The following NXPH1 variants were observed in gnomAD, a reference collection of about 807,000 sequenced individuals.
NXPH1 encodes neurexophilin-1.
Under a neutral mutation model 23.7 loss-of-function variants are expected in NXPH1, and 5 were observed. The observed-to-expected ratio is 0.21, with a 90% CI of 0.11 to 0.44. The LOEUF (loss-of-function observed/expected upper bound fraction) is 0.44, where lower values mean the gene tolerates loss of function less well. Ranked by LOEUF, NXPH1 falls within the 20% of genes least tolerant of loss-of-function variation. NXPH1 has a pLI of 0.99. For synonymous variants in NXPH1, 144 were observed against 122.2 expected (o/e 1.18, Z -1.18); for missense variants, 324 against 321.6 (o/e 1.01, Z -0.06).
At chr7:8,598,371 T>C (rs1488200188) in intron 2 of NXPH1, among the ~76,000 whole-genome samples, 3 of 152,092 alleles carry the variant, frequency 2.0e-5, no homozygotes, top group Non-Finnish European at 4.4e-5. Flanking sequence ...AATGAATAGC[T>C]TAGTATCCAA....
chr7:8,662,189 T>TACACACAC lies in NXPH1; in HGVS notation c.55-88812_55-88811insCACACACA, dbSNP rs60107144. 4.4e-3 allele frequency among the ~76,000 whole-genome samples: 662 copies of TACACACAC among 150,720 alleles called. 8 individuals are homozygous for TACACACAC. Among genetic ancestry groups the TACACACAC allele is most frequent in the African/African-American group, 0.015 (626 of 40,818 alleles). On this transcript the variant is annotated intron_variant, in intron 2 of 2. Coordinates refer to ENST00000405863, the MANE Select transcript of NXPH1 (RefSeq NM_152745.3). ...ATGATTTTATATATATATATATATA[T>TACACACAC]ACACACATATATATATACACACACA...
At chr7:8,476,150 T>C (rs1020159985) in intron 2 of NXPH1, among the ~76,000 whole-genome samples, 4 of 152,182 alleles carry the variant, frequency 2.6e-5, no homozygotes, top group African/African-American at 9.6e-5. Flanking sequence ...AAAATATTTA[T>C]GGATCTTCCA....
intron 2 of NXPH1, among the ~76,000 whole-genome samples, chr7:8,639,000 G>A (rs931334871): frequency 3.3e-5 from 5 of 150,786 alleles, no homozygotes; most frequent in African/African-American, 1.2e-4. Context: ...AACATTTAAT[G>A]AAACATATAT....
chr7:8,704,938 C>A (rs922483573), intron 2 of NXPH1, among the ~76,000 whole-genome samples: 23 of 152,056 alleles, frequency 1.5e-4, no homozygotes, highest in African/African-American at 5.3e-4. Flanking sequence ...TCAAGTTCTG[C>A]CCAAAAGGAC....
intron 2 of NXPH1, among the ~76,000 whole-genome samples, chr7:8,700,292 C>T (rs944867721): frequency 7.2e-5 from 11 of 152,130 alleles, no homozygotes; most frequent in African/African-American, 2.7e-4. Flanking sequence ...TCTTTTGCAT[C>T]AGTGTTTGAC....
chr7:8,545,058 A>G (rs1818178928), intron 2 of NXPH1, among the ~76,000 whole-genome samples: 2 of 151,566 alleles, frequency 1.3e-5, no homozygotes, highest in Non-Finnish European at 3.0e-5. Flanking sequence ...GAGGATATAA[A>G]CTGAGGTTTA....
At chr7:8,648,385 A>G (rs918785387) in intron 2 of NXPH1, among the ~76,000 whole-genome samples, 2 of 152,184 alleles carry the variant, frequency 1.3e-5, no homozygotes, top group Non-Finnish European at 2.9e-5. Flanking sequence ...TTTGATTTTT[A>G]GATCCCACAG....
At chr7:8,716,275 C>T (rs995173313) in intron 2 of NXPH1, among the ~76,000 whole-genome samples, 6 of 152,230 alleles carry the variant, frequency 3.9e-5, no homozygotes, top group Middle Eastern at 3.4e-3. Context: ...TATCATCTCC[C>T]CTTTAAGGTG....
chr7:8,523,735 A>G (rs560554215), intron 2 of NXPH1, among the ~76,000 whole-genome samples: 5 of 152,212 alleles, frequency 3.3e-5, no homozygotes, highest in Admixed American at 6.5e-5. Flanking sequence ...GTAAATGAAC[A>G]GCTGAGTTAA....
rs981652699 is a variant in NXPH1, at chr7:8,539,582, C to T, written c.54+103815C>T. On this transcript the variant is annotated intron_variant, in intron 2 of 2. Coordinates refer to ENST00000405863, the MANE Select transcript of NXPH1 (RefSeq NM_152745.3). Reference sequence around the variant, plus strand: ...AGTGGTTGCAGAACTACAACCCTCACATATTATGTATAAGGATGTTTATAA... The same window carrying T: ...AGTGGTTGCAGAACTACAACCCTCATATATTATGTATAAGGATGTTTATAA... Among the ~76,000 whole-genome samples, 3 of 151,882 alleles carry T rather than the reference C, an allele frequency of 2.0e-5. No individual in the cohort carries two copies. In the East Asian group the frequency reaches 5.9e-4, roughly 30 times the overall value.
At chr7:8,722,607 A>G (rs779134615) in intron 2 of NXPH1, among the ~76,000 whole-genome samples, 32 of 152,170 alleles carry the variant, frequency 2.1e-4, no homozygotes, top group Non-Finnish European at 3.2e-4. Context: ...TCCTTTCACA[A>G]AATTAAAACT....
chr7:8,732,482 A>G (rs1780174957), intron 2 of NXPH1, among the ~76,000 whole-genome samples: 1 of 152,224 alleles, frequency 6.6e-6, no homozygotes, highest in South Asian at 2.1e-4. Context: ...ATTGACCACT[A>G]ATTCAGGTAG....
chr7:8,727,576 A>C (rs896624262), intron 2 of NXPH1, among the ~76,000 whole-genome samples: 25 of 152,116 alleles, frequency 1.6e-4, no homozygotes, highest in Non-Finnish European at 2.9e-4. Flanking sequence ...GTTTCCCAGC[A>C]CCATTTATTA....
At chr7:8,592,004 T>A (rs1455919479) in intron 2 of NXPH1, among the ~76,000 whole-genome samples, 1 of 151,924 alleles carries the variant, frequency 6.6e-6, no homozygotes, top group East Asian at 1.9e-4. Context: ...CATATGATGG[T>A]GACAAAGACT....
At chr7:8,589,809 A>G (rs1819054582) in intron 2 of NXPH1, among the ~76,000 whole-genome samples, 2 of 152,092 alleles carry the variant, frequency 1.3e-5, no homozygotes, top group African/African-American at 4.8e-5. Flanking sequence ...GATAGCCACC[A>G]TCCAGTAGAT....
chr7:8,480,091 G>T (rs1014979267), intron 2 of NXPH1, among the ~76,000 whole-genome samples: 4 of 152,096 alleles, frequency 2.6e-5, no homozygotes, highest in Non-Finnish European at 5.9e-5. Flanking sequence ...GGAGGAGGGA[G>T]ATGTTTGAGA....
intron 2 of NXPH1, among the ~76,000 whole-genome samples, chr7:8,643,881 C>T (rs79903456): frequency 0.047 from 7,184 of 152,108 alleles, 364 homozygotes; most frequent in East Asian, 0.17. Context: ...TGGCCTTCTA[C>T]CAATCTAAAT....
intron 2 of NXPH1, among the ~76,000 whole-genome samples, chr7:8,581,994 G>A (rs1294740756): frequency 6.6e-6 from 1 of 152,196 alleles, no homozygotes; most frequent in Non-Finnish European, 1.5e-5. Context: ...GGTGAGGGGT[G>A]TGTGGGTGAG....
At chr7:8,694,457 T>C (rs1821272069) in intron 2 of NXPH1, among the ~76,000 whole-genome samples, 1 of 152,162 alleles carries the variant, frequency 6.6e-6, no homozygotes, top group Non-Finnish European at 1.5e-5. Flanking sequence ...AACTTGGTCA[T>C]ATGGTAGAGA....
Sources: allele counts gnomAD v4.1 joint callset (sites outside exome capture counted in the v4.1 genomes callset), GRCh38; gene constraint gnomAD v4.1.1; transcripts MANE v1.5; gene names NCBI Gene and HGNC (gene_info 2026-07-23, HGNC 2026-07-21).